EPB41L4A: variants seen among roughly 807,000 people sequenced by gnomAD.
EPB41L4A encodes erythrocyte membrane protein band 4.1 like 4A.
Under a neutral mutation model 108.6 loss-of-function variants are expected in EPB41L4A, and 100 were observed. The observed-to-expected ratio is 0.92, with a 90% CI of 0.78 to 1.09. The LOEUF (loss-of-function observed/expected upper bound fraction) is 1.09. Ranked by LOEUF, EPB41L4A falls within the 50% of genes least tolerant of loss-of-function variation. The pLI is 0.00. For missense variants in EPB41L4A, 1,030 were observed against 842.7 expected (o/e 1.22, Z -2.75); for synonymous variants, 319 against 289.0 (o/e 1.10, Z -1.05).
At chr5:112,383,314 A>C (rs1457479679) in intron 1 of EPB41L4A, among the ~76,000 whole-genome samples, 1 of 152,256 alleles carries the variant, frequency 6.6e-6, no homozygotes, top group African/African-American at 2.4e-5. Context: ...ACTAGCAATA[A>C]ACTGTTTTAA....
At chr5:112,274,368 G>T (rs1752476658) in intron 4 of EPB41L4A, among the ~76,000 whole-genome samples, 1 of 152,094 alleles carries the variant, frequency 6.6e-6, no homozygotes, top group African/African-American at 2.4e-5. Context: ...ATCTTAAGTT[G>T]AGGGATAAAA....
At chr5:112,381,052 A>G (rs74840330) in intron 1 of EPB41L4A, among the ~76,000 whole-genome samples, 70 of 152,278 alleles carry the variant, frequency 4.6e-4, no homozygotes, top group African/African-American at 1.6e-3. Context: ...GATATCCAAT[A>G]TATTTCACAT....
intron 1 of EPB41L4A, among the ~76,000 whole-genome samples, chr5:112,312,066 A>C (rs1260769087): frequency 1.3e-5 from 2 of 152,228 alleles, no homozygotes; most frequent in Non-Finnish European, 2.9e-5. Flanking sequence ...TATGCAAACT[A>C]TATTTGTGCT....
At chr5:112,324,721 A>T (rs1302677425) in intron 1 of EPB41L4A, among the ~76,000 whole-genome samples, 6 of 57,604 alleles carry the variant, frequency 1.0e-4, no homozygotes, top group Admixed American at 1.0e-3. Context: ...GAGTCTGTCT[A>T]AAAAAAAAAA....
chr5:112,269,364 T>A (rs562860748), intron 4 of EPB41L4A, among the ~76,000 whole-genome samples: 1 of 152,190 alleles, frequency 6.6e-6, no homozygotes, highest in Non-Finnish European at 1.5e-5. Flanking sequence ...AAATTTGTGA[T>A]AAAGTAAAAT....
chr5:112,341,967 A>G (rs1056155742), intron 1 of EPB41L4A, among the ~76,000 whole-genome samples: 62 of 152,338 alleles, frequency 4.1e-4, no homozygotes, highest in African/African-American at 1.4e-3. Context: ...AATGTGGGGA[A>G]ATTTCTTCAA....
intron 1 of EPB41L4A, among the ~76,000 whole-genome samples, chr5:112,311,557 C>T (rs541133002): frequency 6.6e-5 from 10 of 152,270 alleles, no homozygotes; most frequent in Admixed American, 2.0e-4. Context: ...TACAACCTTT[C>T]GTAGTTCTTT....
At chr5:112,394,677 G>A (rs1199447636) in intron 1 of EPB41L4A, among the ~76,000 whole-genome samples, 15 of 152,254 alleles carry the variant, frequency 9.9e-5, no homozygotes, top group African/African-American at 3.1e-4. Flanking sequence ...AAGGTAATTT[G>A]TAGATTCAAT....
chr5:112,273,019 T>A (rs948449514), intron 4 of EPB41L4A, among the ~76,000 whole-genome samples: 1 of 152,202 alleles, frequency 6.6e-6, no homozygotes, highest in African/African-American at 2.4e-5. Context: ...GGCAGAAGTA[T>A]GCTCTTCCTT....
At chr5:112,340,792 T>G (rs1757267267) in intron 1 of EPB41L4A, among the ~76,000 whole-genome samples, 1 of 152,222 alleles carries the variant, frequency 6.6e-6, no homozygotes, top group African/African-American at 2.4e-5. Context: ...CTATGTCTAC[T>G]CCCTGGATAG....
chr5:112,339,487 T>G (rs1258650246), intron 1 of EPB41L4A, among the ~76,000 whole-genome samples: 2 of 28,916 alleles, frequency 6.9e-5, no homozygotes, highest in East Asian at 1.3e-3. Context: ...TATATATATA[T>G]ATATATATCT....
Position 112,156,368 on chromosome 5 carries a change from G to C in EPB41L4A, n.994+2033C>G, listed in dbSNP as rs150886322. Among the ~76,000 whole-genome samples the C allele has an allele frequency of 1.9e-3, 286 of 151,836 alleles. 1 individual carries two copies. The highest frequency in any genetic ancestry group is 6.4e-3 in the African/African-American group (263 of 41,392). ...GTCTCTAAGCTAGGGGCCCAAGAAG[G>C]CCAGTGGTATAGCCAGAGAGCAGGT... is the stretch of plus-strand genomic sequence containing the variant. On this transcript the variant is annotated intron_variant and non_coding_transcript_variant, in intron 12 of 13. Coordinates refer to the EPB41L4A transcript ENST00000507810.
intron 1 of EPB41L4A, among the ~76,000 whole-genome samples, chr5:112,416,547 T>C (rs1015790188): frequency 3.9e-5 from 6 of 152,214 alleles, no homozygotes; most frequent in Admixed American, 6.5e-5. Context: ...GGCTAATTGA[T>C]GTTGCCTGCT....
chr5:112,379,507 G>C (rs534247188), intron 1 of EPB41L4A, among the ~76,000 whole-genome samples: 3 of 152,288 alleles, frequency 2.0e-5, no homozygotes, highest in Admixed American at 2.0e-4. Flanking sequence ...AGAGGAGAAA[G>C]GTTATTAGCA....
intron 1 of EPB41L4A, among the ~76,000 whole-genome samples, chr5:112,402,979 T>C (rs1258119460): frequency 2.6e-5 from 4 of 152,038 alleles, no homozygotes; most frequent in Admixed American, 1.3e-4. Flanking sequence ...TTAAATGTCA[T>C]GTCACTTATT....
intron 1 of EPB41L4A, among the ~76,000 whole-genome samples, chr5:112,336,628 C>G (rs960383620): frequency 6.6e-6 from 1 of 152,032 alleles, no homozygotes; most frequent in East Asian, 1.9e-4. Flanking sequence ...CTGAGTGGAT[C>G]CAAAATGCAA....
Position 112,205,524 on chromosome 5 carries a change from T to A in EPB41L4A, c.1179-20A>T. 1 of 1,528,142 alleles carries A rather than the reference T, an allele frequency of 6.5e-7. No homozygotes were observed. The highest frequency in any genetic ancestry group is 9.0e-7 in the Non-Finnish European group (1 of 1,116,258). The allele number at this position is 1,528,142 out of a possible 1,614,324, so 94.7% of individuals were successfully genotyped here. A position where few individuals can be genotyped will look rare whatever the true frequency, so the allele number is the denominator to read the frequency against. On this transcript the variant is annotated intron_variant, in intron 13 of 22. Transcript: ENST00000261486. ...TTAAAGCTTTAATTTTAAAAAAAAG[T>A]ATGAGAAATAAATTAAGTAGAAAAT...
intron 12 of EPB41L4A, among the ~76,000 whole-genome samples, chr5:112,226,666 G>C (rs572323865): frequency 8.8e-4 from 133 of 151,364 alleles, no homozygotes; most frequent in Non-Finnish European, 1.5e-3. Flanking sequence ...TCTGAGGTGG[G>C]GAGGAGAGGA....
chr5:112,228,660 T>A lies in EPB41L4A; in HGVS notation c.1087+5974A>T, dbSNP rs182682889. 2.5e-4 allele frequency: 238 copies of A among 969,368 alleles called. 1 individual carries two copies. In the East Asian group the frequency reaches 0.022, roughly 88 times the overall value. 60.0% of individuals were successfully genotyped at this position (969,368 alleles called of 1,614,324 possible). ...ATTATATCCAAATATTCTGTCTTCA[T>A]TGCCTACTTACAGCAGAGACGATCT... is the stretch of plus-strand genomic sequence containing the variant. On this transcript the variant is annotated intron_variant, in intron 12 of 22. Transcript: ENST00000261486.
Sources: gnomAD v4.1 joint callset for allele counts (sites outside exome capture counted in the v4.1 genomes callset) on GRCh38, gnomAD v4.1.1 for gene constraint, MANE v1.5 for transcripts, NCBI Gene and HGNC (gene_info 2026-07-23, HGNC 2026-07-21) for gene names.